TKFC: variants seen among roughly 807,000 people sequenced by gnomAD.
The protein encoded by TKFC is triokinase and FMN cyclase, also known as triokinase/FMN cyclase.
TKFC carries 46 observed loss-of-function variants against 61.0 expected under a neutral mutation model. The observed-to-expected ratio is 0.75, with a 90% CI of 0.60 to 0.96. The LOEUF (loss-of-function observed/expected upper bound fraction) is 0.96. Among genes scored for constraint, TKFC ranks in the 50% least tolerant of loss-of-function variants. The pLI is 0.00. For synonymous variants in TKFC, 314 were observed against 330.1 expected, an observed-to-expected ratio of 0.95 and a Z score of 0.53; for missense variants, 715 against 777.5, an observed-to-expected ratio of 0.92 and a Z score of 0.96.
intron 3 of TKFC, 87 bp from the exon 4 acceptor site, chr11:61,338,979 A>T: frequency 8.4e-7 from 1 of 1,193,730 alleles, no homozygotes; most frequent in Non-Finnish European, 1.2e-6. Context: ...GGGCTCACCA[A>T]ACCATGACCC....
intron 12 of TKFC, 77 bp from the exon 13 acceptor site, chr11:61,344,059 C>G: frequency 1.3e-6 from 2 of 1,598,880 alleles, no homozygotes. Flanking sequence ...GCCCTGGCAC[C>G]CACACCTCCC....
chr11:61,334,446 C>T, intron 1 of TKFC, 174 bp from the exon 2 acceptor site: 1 of 441,938 alleles, frequency 2.3e-6, no homozygotes, highest in Non-Finnish European at 4.2e-6. Context: ...CAGTGAAGTG[C>T]AGGCATGAAC....
intron 7 of TKFC, 123 bp downstream of exon 7, chr11:61,342,035 G>C (rs560675258): frequency 1.0e-6 from 1 of 952,756 alleles, no homozygotes; most frequent in South Asian, 1.6e-5. Context: ...TTTTTACCTG[G>C]TCATTTGAGG....
Position 61,347,833 on chromosome 11 carries a change from G to A in TKFC, c.*1330G>A. 2.0e-5 allele frequency: 20 copies of A among 979,166 alleles called. No individual in the cohort carries two copies. Among genetic ancestry groups the A allele is most frequent in the Non-Finnish European group, 2.4e-5 (20 of 824,288 alleles). 60.7% of individuals were successfully genotyped at this position (979,166 alleles called of 1,614,324 possible). ...TACCCACCTCATGGGGACATGAAAG[G>A]ATTCAAATGAATTGATGAAGATGGG... On this transcript the variant is annotated 3_prime_UTR_variant, in exon 18 of 18. Transcript: ENST00000394900.
chr11:61,348,247 G>A lies in TKFC; in HGVS notation c.*1744G>A. ...TCTTGTTTTCTCAGATTATGAAATA[G>A]GAAAAATTTCCTTCCTCGTGAGATA... On this transcript the variant is annotated 3_prime_UTR_variant, in exon 18 of 18. Transcript: ENST00000394900. 1 of 985,394 alleles carries A rather than the reference G, an allele frequency of 1.0e-6. No individual in the cohort carries two copies. Among genetic ancestry groups the A allele is most frequent in the Non-Finnish European group, 1.2e-6 (1 of 829,932 alleles). 61.0% of individuals were successfully genotyped at this position (985,394 alleles called of 1,614,324 possible). A position where few individuals can be genotyped will look rare whatever the true frequency, so the allele number is the denominator to read the frequency against.
chr11:61,337,999 T>G lies in TKFC; in HGVS notation c.62T>G (p.Leu21Arg). The G allele has an allele frequency of 6.2e-7, 1 of 1,613,454 alleles. No individual in the cohort carries two copies. Among genetic ancestry groups the G allele is most frequent in the Non-Finnish European group, 8.5e-7 (1 of 1,179,760 alleles). Residue 21 changes from leucine to arginine, a missense_variant, in exon 3 of 18, where the codon CTG becomes CGG. Physicochemically the swap from Leu to Arg is moderately radical, Grantham distance 102. Coordinates refer to ENST00000394900, the MANE Select transcript of TKFC (RefSeq NM_015533.4). ...AGCADDALAG[L>R]VACNPNLQLL... The stretch of plus-strand genomic sequence containing the variant: ...TGTGCTGATGACGCTCTTGCTGGCC[T>G]GGTGGCCTGCAACCCCAACCTGCAG...
intron 2 of TKFC, among the ~76,000 whole-genome samples, chr11:61,337,089 A>C (rs919780126): frequency 6.6e-6 from 1 of 152,132 alleles, no homozygotes; most frequent in Admixed American, 6.5e-5. Flanking sequence ...AGCAGTGCCC[A>C]CTACACATGG....
downstream of TKFC, chr11:61,350,592 A>G: frequency 1.3e-6 from 1 of 782,742 alleles, no homozygotes; most frequent in Non-Finnish European, 2.1e-6. Flanking sequence ...GTCTCCCTAC[A>G]TCCCATCAAG....
At chr11:61,344,359 C>A in intron 13 of TKFC, 86 bp downstream of exon 13, 1 of 1,086,718 alleles carries the variant, frequency 9.2e-7, no homozygotes, top group Non-Finnish European at 1.2e-6. Context: ...AGGGACCTTC[C>A]TTTTTTTTTT....
chr11:61,335,510 G>A (rs1430071608), intron 2 of TKFC: 1 of 152,370 alleles, frequency 6.6e-6, no homozygotes, highest in African/African-American at 2.4e-5. Flanking sequence ...GCTGGGCTTG[G>A]AGTGAGGCCA....
At position 61,346,299 on chromosome 11, in the gene TKFC, G is replaced by T. The variant is rs1357329743; in HGVS notation, c.1576-52G>T. The T allele has an allele frequency of 2.1e-5, 33 of 1,608,204 alleles. No homozygotes were observed. The highest frequency in any genetic ancestry group is 2.4e-5 in the Non-Finnish European group (28 of 1,179,860). Reference sequence around the variant, plus strand: ...GAGACGTTCTGCCCATGGCAGGAAGGAGGCGGCCTGGTGATCTGCCCTTGA... The same window carrying T: ...GAGACGTTCTGCCCATGGCAGGAAGTAGGCGGCCTGGTGATCTGCCCTTGA... On this transcript the variant is annotated intron_variant, in intron 17 of 17. Transcript: ENST00000394900. This position sits in a 1 kb window ranked among gnomAD's most constrained non-coding sequence, Gnocchi z 4.1.
intron 1 of TKFC, 102 bp from the exon 2 acceptor site, chr11:61,334,518 G>T: frequency 1.7e-6 from 1 of 588,430 alleles, no homozygotes; most frequent in East Asian, 3.1e-5. Flanking sequence ...GACTTGGACC[G>T]AAGTCTGGGG....
At position 61,346,279 on chromosome 11, in the gene TKFC, G is replaced by T; in HGVS notation, c.1576-72G>T. ...CAGGGCCAGGCTGCACGGCAGAGAC[G>T]TTCTGCCCATGGCAGGAAGGAGGCG... On this transcript the variant is annotated intron_variant, in intron 17 of 17. Coordinates refer to ENST00000394900, the MANE Select transcript of TKFC (RefSeq NM_015533.4). This position sits in a 1 kb window ranked among gnomAD's most constrained non-coding sequence, Gnocchi z 4.1. The T allele has an allele frequency of 6.2e-7, 1 of 1,604,264 alleles. No homozygotes were observed.
At chr11:61,336,839 C>A (rs1231093085) in intron 2 of TKFC, among the ~76,000 whole-genome samples, 1 of 152,198 alleles carries the variant, frequency 6.6e-6, no homozygotes, top group Non-Finnish European at 1.5e-5. Context: ...CCAGTCCTCT[C>A]CTCCCCACCC....
downstream of TKFC, chr11:61,349,595 C>T (rs190949677): frequency 4.8e-5 from 34 of 702,968 alleles, no homozygotes; most frequent in Admixed American, 6.2e-4. Context: ...GTGACAGACA[C>T]GTAAGTCACA....
Position 61,343,653 on chromosome 11 carries a change from A to G in TKFC, c.982+195A>G, listed in dbSNP as rs1352099458. 5 of 903,672 alleles carry G rather than the reference A, an allele frequency of 5.5e-6. No individual in the cohort carries two copies. In the Admixed American group the frequency reaches 7.3e-5, roughly 13 times the overall value. 56.0% of individuals were successfully genotyped at this position (903,672 alleles called of 1,614,324 possible). ...AGGAGTTGGTATTAGGATCCTCCTC[A>G]GAGAGGCCTGACCCTTTCCCAGGGA... On this transcript the variant is annotated intron_variant, in intron 11 of 17. Coordinates refer to ENST00000394900, the MANE Select transcript of TKFC (RefSeq NM_015533.4).
In TKFC at chr11:61,345,199, TG is replaced by T. The variant is rs763755190; in HGVS notation, c.1241-59del. ...TTTTCCAGCCTTCATTGGTGCTGGC[TG>T]GAAGTCTGGCAGATGGAGGGAGGAT... On this transcript the variant is annotated intron_variant, in intron 13 of 17. Coordinates refer to ENST00000394900, the MANE Select transcript of TKFC (RefSeq NM_015533.4). 2.3e-5 allele frequency: 32 copies of T among 1,400,398 alleles called. No homozygotes were observed. In the African/African-American group the frequency reaches 2.7e-4, roughly 12 times the overall value. 86.7% of individuals were successfully genotyped at this position (1,400,398 alleles called of 1,614,324 possible). A position where few individuals can be genotyped will look rare whatever the true frequency, so the allele number is the denominator to read the frequency against.
intron 1 of TKFC, 43 bp downstream of exon 1, chr11:61,333,372 C>G (rs1214032788): frequency 6.1e-6 from 1 of 164,092 alleles, no homozygotes; most frequent in African/African-American, 2.4e-5. Flanking sequence ...CTCCCCACCC[C>G]GTTCCGCGCC....
Position 61,339,349 on chromosome 11 carries a change from ATGG to A in TKFC, c.406_408del (p.Val136del), listed in dbSNP as rs1393435430. The A allele has an allele frequency of 6.2e-7, 1 of 1,613,574 alleles. No homozygotes were observed. The highest frequency in any genetic ancestry group is 1.3e-5 in the African/African-American group (1 of 74,910). On this transcript the variant is annotated inframe_deletion, in exon 5 of 18. Transcript: ENST00000394900. The stretch of plus-strand genomic sequence containing the variant: ...CCGGGCTGAAGGCATCCCGGTGGAG[ATGG>A]TGGTGATTGGGGACGACAGCGCCTT...
Sources: allele counts gnomAD v4.1 joint callset (sites outside exome capture counted in the v4.1 genomes callset), GRCh38; gene constraint gnomAD v4.1.1; non-coding constraint Gnocchi (gnomAD v3.1); transcripts MANE v1.5; gene names NCBI Gene and HGNC (gene_info 2026-07-23, HGNC 2026-07-21).